The following PDGFRB variants were observed in gnomAD, a reference collection of about 807,000 sequenced individuals.
The protein encoded by PDGFRB is platelet derived growth factor receptor beta, also known as platelet-derived growth factor receptor beta.
PDGFRB carries 42 observed loss-of-function variants against 120.2 expected under a neutral mutation model. The observed-to-expected ratio is 0.35, with a 90% CI of 0.27 to 0.45. The LOEUF (loss-of-function observed/expected upper bound fraction) is 0.45. Ranked by LOEUF, PDGFRB falls within the 20% of genes least tolerant of loss-of-function variation. The pLI, the probability that PDGFRB is intolerant of heterozygous loss-of-function variation, is 1.00. For synonymous variants in PDGFRB, 586 were observed against 606.8 expected, an observed-to-expected ratio of 0.97 and a Z score of 0.50; for missense variants, 1,149 against 1,476.3, an observed-to-expected ratio of 0.78 and a Z score of 3.63.
At chr5:150,130,405 G>T in intron 9 of PDGFRB, 134 bp downstream of exon 9, 1 of 810,702 alleles carries the variant, frequency 1.2e-6, no homozygotes, top group Non-Finnish European at 2.0e-6. Flanking sequence ...CAAGGAGGTG[G>T]TGACCTGGCC....
At chr5:150,141,383 AC>A (rs1277388308) in intron 1 of PDGFRB, among the ~76,000 whole-genome samples, 1 of 152,274 alleles carries the variant, frequency 6.6e-6, no homozygotes, top group Non-Finnish European at 1.5e-5. Context: ...AGCATTTGGC[AC>A]GTATTGGCTC....
At position 150,123,214 on chromosome 5, in the gene PDGFRB, AG is replaced by A; in HGVS notation, c.2024-14del. On this transcript the variant is annotated splice_polypyrimidine_tract_variant and intron_variant, in intron 14 of 22. Transcript: ENST00000261799. Reference sequence around the variant, plus strand: ...ATATAGATGGGTCCTGCAGAGGGACAGGCTCAGGGACAGTCCCTATGGAGGC... The same window carrying A: ...ATATAGATGGGTCCTGCAGAGGGACAGCTCAGGGACAGTCCCTATGGAGGC... 3 of 1,607,760 alleles carry A rather than the reference AG, an allele frequency of 1.9e-6. No individual in the cohort carries two copies. Among genetic ancestry groups the A allele is most frequent in the Non-Finnish European group, 2.6e-6 (3 of 1,176,052 alleles).
intron 14 of PDGFRB, 37 bp from the exon 15 acceptor site, chr5:150,123,238 G>C: frequency 6.4e-7 from 1 of 1,551,868 alleles, no homozygotes; most frequent in Non-Finnish European, 8.9e-7. Flanking sequence ...TCCCTATGGA[G>C]GCCTCAGGCG....
chr5:150,147,684 T>C (rs1760963092), intron 1 of PDGFRB, among the ~76,000 whole-genome samples: 1 of 152,188 alleles, frequency 6.6e-6, no homozygotes, highest in African/African-American at 2.4e-5. Context: ...AGAACCCCCA[T>C]GTTTCACTGA....
chr5:150,148,926 GGAGA>G (rs1299697308), intron 1 of PDGFRB, among the ~76,000 whole-genome samples: 1 of 152,206 alleles, frequency 6.6e-6, no homozygotes, highest in Non-Finnish European at 1.5e-5. Context: ...GAAATGGCAG[GGAGA>G]GATCTGTTGG....
chr5:150,119,653 G>A (rs1011923753), intron 19 of PDGFRB, 87 bp from the exon 20 acceptor site: 1 of 832,526 alleles, frequency 1.2e-6, no homozygotes, highest in South Asian at 1.4e-5. Flanking sequence ...GGAGAGCCAT[G>A]CTGGCCCTGG....
intron 11 of PDGFRB, 86 bp downstream of exon 11, chr5:150,126,434 G>A (rs1030870920): frequency 5.7e-5 from 46 of 802,872 alleles, no homozygotes; most frequent in South Asian, 3.6e-4. Context: ...GCCAGATCAC[G>A]CAGCATTCAA....
In PDGFRB at chr5:150,132,966, C is replaced by T. The variant is rs745383556; in HGVS notation, c.935-24G>A. On this transcript the variant is annotated intron_variant, in intron 6 of 22. Coordinates refer to ENST00000261799, the MANE Select transcript of PDGFRB (RefSeq NM_002609.4). This position sits in a 1 kb window ranked among gnomAD's most constrained non-coding sequence, Gnocchi z 5.0. ...CTCTGCAAGGGGTGACCGTCAGGGG[C>T]GGGGCCCTGGGGGCAGGGCACCAAC... is the stretch of plus-strand genomic sequence containing the variant. 1.1e-5 allele frequency: 17 copies of T among 1,523,260 alleles called. No homozygotes were observed. The highest frequency in any genetic ancestry group is 2.3e-4 in the Middle Eastern group (1 of 4,310). 94.4% of individuals were successfully genotyped at this position (1,523,260 alleles called of 1,614,324 possible).
chr5:150,151,923 G>A (rs962454372), intron 1 of PDGFRB, among the ~76,000 whole-genome samples: 3 of 148,852 alleles, frequency 2.0e-5, no homozygotes, highest in African/African-American at 5.2e-5. Context: ...TTGCTGTGAC[G>A]GTTTATTTAT....
At chr5:150,154,971 C>T (rs1761190221) in intron 1 of PDGFRB, among the ~76,000 whole-genome samples, 1 of 152,242 alleles carries the variant, frequency 6.6e-6, no homozygotes, top group South Asian at 2.1e-4. Context: ...TTCTTAGAAA[C>T]AAGGCTTGGG....
chr5:150,127,564 A>G (rs759846839), intron 10 of PDGFRB, among the ~76,000 whole-genome samples: 2 of 152,166 alleles, frequency 1.3e-5, no homozygotes, highest in African/African-American at 2.4e-5. Flanking sequence ...GGCTGGGTGC[A>G]GTGGCTCATG....
chr5:150,115,740 A>G lies in PDGFRB; in HGVS notation c.*23T>C. 1 of 1,543,364 alleles carries G rather than the reference A, an allele frequency of 6.5e-7. No homozygotes were observed. The highest frequency in any genetic ancestry group is 8.7e-7 in the Non-Finnish European group (1 of 1,145,336). On this transcript the variant is annotated 3_prime_UTR_variant, in exon 23 of 23. Coordinates refer to ENST00000261799, the MANE Select transcript of PDGFRB (RefSeq NM_002609.4). ...TGCTGGCAGGGGGGGAGCTTCAGGC[A>G]GGGCAGGGTAGGGGCCAGCCCCCTA...
intron 8 of PDGFRB, among the ~76,000 whole-genome samples, chr5:150,131,043 T>C (rs1580806171): frequency 6.6e-6 from 1 of 152,330 alleles, no homozygotes; most frequent in South Asian, 2.1e-4. Context: ...GTGATGCCGA[T>C]TTTCCACCTA....
At chr5:150,122,904 G>A in intron 15 of PDGFRB, 138 bp downstream of exon 15, 2 of 746,934 alleles carry the variant, frequency 2.7e-6, no homozygotes, top group Admixed American at 2.3e-5. Context: ...ACCATCTTGT[G>A]GAACAGCCCT....
chr5:150,117,041 A>G (rs981544483), intron 22 of PDGFRB, among the ~76,000 whole-genome samples: 1 of 152,206 alleles, frequency 6.6e-6, no homozygotes, highest in Non-Finnish European at 1.5e-5. Context: ...GTGGACATCA[A>G]GTCCACACAA....
chr5:150,136,713 G>A (rs966442609), intron 2 of PDGFRB, among the ~76,000 whole-genome samples: 4 of 152,180 alleles, frequency 2.6e-5, no homozygotes, highest in African/African-American at 7.2e-5. Flanking sequence ...CCACCAGACC[G>A]AGGATAGGAG....
intron 10 of PDGFRB, among the ~76,000 whole-genome samples, chr5:150,128,239 G>A (rs1419109540): frequency 6.6e-6 from 1 of 152,220 alleles, no homozygotes; most frequent in Non-Finnish European, 1.5e-5. Flanking sequence ...CTCAGAGCTG[G>A]TCTTCCACTC....
Position 150,121,063 on chromosome 5 carries a change from C to A in PDGFRB, c.2464-53G>T, listed in dbSNP as rs976632042. The stretch of plus-strand genomic sequence containing the variant: ...CCTTGGGGACAATTGTGGGGAAAGA[C>A]CCTTCATGTCAAGGGCTTTGGGAAA... On this transcript the variant is annotated intron_variant, in intron 17 of 22. Coordinates refer to ENST00000261799, the MANE Select transcript of PDGFRB (RefSeq NM_002609.4). The surrounding 1 kb of genome is among the most constrained non-coding windows in gnomAD (Gnocchi z 4.1). 5 of 1,594,874 alleles carry A rather than the reference C, an allele frequency of 3.1e-6. No individual in the cohort carries two copies. The African/African-American group carries it at 4.0e-5, about 13-fold the overall frequency.
chr5:150,123,372 G>C (rs1035497804), intron 14 of PDGFRB, among the ~76,000 whole-genome samples, 171 bp from the exon 15 acceptor site: 7 of 152,218 alleles, frequency 4.6e-5, no homozygotes, highest in Admixed American at 3.3e-4. Flanking sequence ...TGGAGAGCAA[G>C]GTACTTAGTC....
Sources: gnomAD v4.1 joint callset for allele counts (sites outside exome capture counted in the v4.1 genomes callset) on GRCh38, gnomAD v4.1.1 for gene constraint, Gnocchi (gnomAD v3.1) non-coding constraint, MANE v1.5 for transcripts, NCBI Gene and HGNC (gene_info 2026-07-23, HGNC 2026-07-21) for gene names.